Variants in VPS13B observed in about 807,000 individuals in gnomAD.
VPS13B encodes vacuolar protein sorting 13 homolog B.
A neutral mutation model predicts 426.4 loss-of-function variants in VPS13B; 285 were observed. The observed-to-expected ratio is 0.67, with a 90% CI of 0.61 to 0.74. The LOEUF (loss-of-function observed/expected upper bound fraction) is 0.74, where lower values mean the gene tolerates loss of function less well. VPS13B is among the 30% of genes least tolerant of loss of function. VPS13B has a pLI of 0.00. For missense variants in VPS13B, 4,537 were observed against 4,782.6 expected, an observed-to-expected ratio of 0.95 and a Z score of 1.51; for synonymous variants, 1,676 against 1,676.4, an observed-to-expected ratio of 1.00 and a Z score of 0.01.
At chr8:99,306,778 G>C (rs1191036006) in intron 19 of VPS13B, among the ~76,000 whole-genome samples, 3 of 152,028 alleles carry the variant, frequency 2.0e-5, no homozygotes, top group South Asian at 2.1e-4. Context: ...CATGGAAGAG[G>C]CATCTCACTT....
chr8:99,640,791 A>G (rs1448793984), intron 33 of VPS13B, among the ~76,000 whole-genome samples: 1 of 152,218 alleles, frequency 6.6e-6, no homozygotes, highest in Non-Finnish European at 1.5e-5. Context: ...CATTACAACC[A>G]TAAAGGGATA....
chr8:99,259,350 CAAAG>C lies in VPS13B; in HGVS notation c.2516-14846_2516-14843del, dbSNP rs1817924636. ...AAGACTTCTAAAAAAATTTAAAAAA[CAAAG>C]AGAAAATGAAAATTAGTGTTGGAAG... On this transcript the variant is annotated intron_variant, in intron 17 of 61. Transcript: ENST00000357162. Among the ~76,000 whole-genome samples the C allele has an allele frequency of 1.3e-5, 2 of 152,072 alleles. 1 individual carries two copies. The highest frequency in any genetic ancestry group is 6.8e-3 in the Middle Eastern group (2 of 294).
At chr8:99,389,332 C>T (rs1814296636) in intron 20 of VPS13B, among the ~76,000 whole-genome samples, 1 of 152,022 alleles carries the variant, frequency 6.6e-6, no homozygotes, top group South Asian at 2.1e-4. Context: ...CACTGTATAG[C>T]ACATAAATTT....
chr8:99,845,597 C>G (rs1339086221), intron 54 of VPS13B, among the ~76,000 whole-genome samples: 1 of 152,186 alleles, frequency 6.6e-6, no homozygotes, highest in Non-Finnish European at 1.5e-5. Flanking sequence ...CAAGCTGTAT[C>G]AAGCTTCTTA....
chr8:99,442,554 A>T lies in VPS13B; in HGVS notation c.3364A>T (p.Lys1122Ter). 1 of 1,613,960 alleles carries T rather than the reference A, an allele frequency of 6.2e-7. No homozygotes were observed. The highest frequency in any genetic ancestry group is 1.1e-5 in the South Asian group (1 of 91,078). The change falls in exon 23 of 62, where the codon AAG becomes TAG. Residue 1122 changes from lysine to a stop codon, truncating the protein, a stop_gained. Coordinates refer to ENST00000357162, the MANE Select transcript of VPS13B (RefSeq NM_152564.5). LOFTEE classifies it high-confidence loss of function. ...ACTTGTCCTCTGTTTGCCTCAAATA[A>T]AGATTATTAGTGCTGGGCACAAGTA... The part of the protein sequence containing the change: ...GTLVLCLPQI[K>*]IISAGHKYME...
chr8:99,586,984 C>A (rs1049394705), intron 33 of VPS13B, among the ~76,000 whole-genome samples: 3 of 152,110 alleles, frequency 2.0e-5, no homozygotes, highest in East Asian at 3.9e-4. Flanking sequence ...CCCATCCCCC[C>A]ATGACAGGCC....
chr8:99,086,735 T>C (rs916973776), intron 3 of VPS13B, among the ~76,000 whole-genome samples: 12 of 152,344 alleles, frequency 7.9e-5, no homozygotes, highest in African/African-American at 2.9e-4. Context: ...CAGACCCTGT[T>C]TGCCTGGGTA....
intron 2 of VPS13B, among the ~76,000 whole-genome samples, chr8:99,018,202 A>G (rs746494845): frequency 1.3e-5 from 2 of 152,100 alleles, no homozygotes; most frequent in African/African-American, 2.4e-5. Flanking sequence ...CCTAGCCAAT[A>G]TGGCAAAACC....
In VPS13B at chr8:99,387,371, C is replaced by T. The variant is rs542409550; in HGVS notation, c.2934+3054C>T. On this transcript the variant is annotated intron_variant, in intron 20 of 61. Coordinates refer to ENST00000357162, the MANE Select transcript of VPS13B (RefSeq NM_152564.5). ...TAGCAGGGACCACAGGCACCCACCA[C>T]CATGCCTGGCTAATTAAAAAACAAT... Among the ~76,000 whole-genome samples, 539 of 152,102 alleles carry T rather than the reference C, an allele frequency of 3.5e-3. 3 individuals are homozygous for T. The highest frequency in any genetic ancestry group is 5.4e-3 in the Non-Finnish European group (365 of 67,992).
chr8:99,745,645 G>T (rs987404039), intron 39 of VPS13B, among the ~76,000 whole-genome samples: 5 of 151,970 alleles, frequency 3.3e-5, no homozygotes, highest in African/African-American at 1.2e-4. Flanking sequence ...TGGGGGTCTT[G>T]GAATGTATCC....
chr8:99,029,450 C>T (rs1025628338), intron 2 of VPS13B, among the ~76,000 whole-genome samples: 1 of 151,838 alleles, frequency 6.6e-6, no homozygotes, highest in Admixed American at 6.6e-5. Flanking sequence ...TGTAGCGAGC[C>T]GAGATCACGC....
chr8:99,860,721 C>T (rs1325287704), intron 57 of VPS13B, among the ~76,000 whole-genome samples: 1 of 152,158 alleles, frequency 6.6e-6, no homozygotes, highest in East Asian at 1.9e-4. Context: ...TTGTTAGTGT[C>T]CAGATCTGTC....
At chr8:99,035,414 C>T (rs1461410047) in intron 2 of VPS13B, among the ~76,000 whole-genome samples, 1 of 152,154 alleles carries the variant, frequency 6.6e-6, no homozygotes, top group Non-Finnish European at 1.5e-5. Flanking sequence ...TATGTGGAAT[C>T]ATACAGTATT....
intron 19 of VPS13B, among the ~76,000 whole-genome samples, chr8:99,330,159 T>G (rs911647611): frequency 6.6e-6 from 1 of 152,002 alleles, no homozygotes; most frequent in Non-Finnish European, 1.5e-5. Flanking sequence ...ACATGTTATT[T>G]GGACTAGTTA....
intron 33 of VPS13B, among the ~76,000 whole-genome samples, chr8:99,589,452 G>A (rs370553795): frequency 6.6e-6 from 1 of 151,456 alleles, no homozygotes; most frequent in Admixed American, 6.6e-5. Context: ...GAGAACATGC[G>A]GTGTTTGGTT....
chr8:99,547,471 A>G lies in VPS13B; in HGVS notation c.4746-8979A>G, dbSNP rs189921449. ...CTTATTTAACATTTTGTGGATCTCAATTGAGCTATAAGTGAATGAATTTCA... is the reference window on the plus strand; with the variant it reads ...CTTATTTAACATTTTGTGGATCTCAGTTGAGCTATAAGTGAATGAATTTCA... On this transcript the variant is annotated intron_variant, in intron 30 of 61. Coordinates refer to ENST00000357162, the MANE Select transcript of VPS13B (RefSeq NM_152564.5). Among the ~76,000 whole-genome samples, 9 of 152,108 alleles carry G rather than the reference A, an allele frequency of 5.9e-5. No homozygotes were observed. The East Asian group carries it at 1.5e-3, about 26-fold the overall frequency.
chr8:99,324,770 AAAG>A (rs1375394807), intron 19 of VPS13B, among the ~76,000 whole-genome samples: 1 of 152,208 alleles, frequency 6.6e-6, no homozygotes, highest in Non-Finnish European at 1.5e-5. Flanking sequence ...ATTCTAAAGA[AAAG>A]AACCAATTAT....
At chr8:99,161,800 TA>T (rs1297742374) in intron 15 of VPS13B, among the ~76,000 whole-genome samples, 4 of 150,212 alleles carry the variant, frequency 2.7e-5, no homozygotes, top group African/African-American at 9.8e-5. Context: ...TGGCACAATC[TA>T]GGCTCATTGC....
At chr8:99,053,699 C>G (rs970562502) in intron 3 of VPS13B, among the ~76,000 whole-genome samples, 1 of 128,902 alleles carries the variant, frequency 7.8e-6, no homozygotes, top group Admixed American at 8.0e-5. Context: ...TTCTTGCTTA[C>G]AACTCTTTTT....
Sources: allele counts gnomAD v4.1 joint callset (sites outside exome capture counted in the v4.1 genomes callset), GRCh38; gene constraint gnomAD v4.1.1; transcripts MANE v1.5; gene names NCBI Gene and HGNC (gene_info 2026-07-23, HGNC 2026-07-21).